Variants in CPEB2 observed in about 807,000 individuals in gnomAD.
The protein encoded by CPEB2 is cytoplasmic polyadenylation element-binding protein 2.
A neutral mutation model predicts 93.6 loss-of-function variants in CPEB2; 56 were observed. The ratio of observed to expected loss-of-function variants is 0.60; its 90% CI spans 0.48 to 0.75. The LOEUF (loss-of-function observed/expected upper bound fraction) is 0.75, where lower values mean the gene tolerates loss of function less well. Among genes scored for constraint, CPEB2 ranks in the 30% least tolerant of loss-of-function variants. The probability of loss-of-function intolerance (pLI) is 0.00; values close to 1 mark genes in which losing one functional copy is unlikely to be tolerated. For missense variants in CPEB2, 1,579 were observed against 1,395.1 expected (o/e 1.13, Z -2.10); for synonymous variants, 764 against 586.3 (o/e 1.30, Z -4.38).
chr4:15,057,977 A>G (rs772006870), intron 8 of CPEB2, among the ~76,000 whole-genome samples: 1 of 152,174 alleles, frequency 6.6e-6, no homozygotes, highest in African/African-American at 2.4e-5. Flanking sequence ...AGCTCCAGAT[A>G]TACTCACCTG....
intron 4 of CPEB2, chr4:15,017,853 T>C (rs1293190340): frequency 1.3e-5 from 2 of 151,840 alleles, no homozygotes; most frequent in Non-Finnish European, 2.9e-5. Flanking sequence ...GAAATTTCAT[T>C]AGCATACTTG....
chr4:15,023,144 T>A (rs562609148), intron 4 of CPEB2, among the ~76,000 whole-genome samples: 1 of 152,164 alleles, frequency 6.6e-6, no homozygotes, highest in Non-Finnish European at 1.5e-5. Context: ...ACTGCAATCC[T>A]GTTACTCACC....
chr4:15,058,062 G>T (rs779013047), intron 8 of CPEB2, among the ~76,000 whole-genome samples: 1 of 152,066 alleles, frequency 6.6e-6, no homozygotes, highest in African/African-American at 2.4e-5. Flanking sequence ...GGCTGACCTC[G>T]GTTTGAAATT....
intron 3 of CPEB2, 122 bp from the exon 4 acceptor site, chr4:15,017,066 T>C: frequency 1.6e-6 from 1 of 622,404 alleles, no homozygotes; most frequent in Non-Finnish European, 2.9e-6. Context: ...TTTTGTGGGA[T>C]ACAGATTAAT....
chr4:15,007,443 T>C lies in CPEB2; in HGVS notation c.1801T>C (p.Ser601Pro). ...AATCCCAGGAACTATGAATCAGATA[T>C]CTCCATTGAAGAAACCGTTTTCTGG... ...MGIPGTMNQI[S>P]PLKKPFSGNV... is the part of the protein sequence containing the mutation. Residue 601 changes from serine to proline, a missense_variant, in exon 2 of 12, where the codon TCT becomes CCT. Coordinates refer to ENST00000538197, the MANE Select transcript of CPEB2 (RefSeq NM_001177382.2). The C allele has an allele frequency of 6.2e-7, 1 of 1,614,090 alleles. No individual in the cohort carries two copies. Among genetic ancestry groups the C allele is most frequent in the Non-Finnish European group, 8.5e-7 (1 of 1,180,004 alleles).
intron 11 of CPEB2, among the ~76,000 whole-genome samples, chr4:15,062,520 A>C (rs966616443): frequency 2.6e-5 from 4 of 152,058 alleles, no homozygotes; most frequent in Admixed American, 6.6e-5. Context: ...AAATATTCTA[A>C]CCGTGGAGGC....
chr4:15,055,791 C>A (rs1215826504), intron 8 of CPEB2, among the ~76,000 whole-genome samples: 1 of 152,176 alleles, frequency 6.6e-6, no homozygotes, highest in African/African-American at 2.4e-5. Context: ...GTCCCACAAA[C>A]TGGCCTTGTT....
chr4:15,061,999 T>C, intron 10 of CPEB2, 80 bp from the exon 11 acceptor site: 1 of 1,302,410 alleles, frequency 7.7e-7, no homozygotes, highest in Non-Finnish European at 1.1e-6. Context: ...TATTGACTTT[T>C]ACGTTTTACA....
intron 6 of CPEB2, among the ~76,000 whole-genome samples, chr4:15,041,089 C>T (rs1410779393): frequency 6.6e-6 from 1 of 152,034 alleles, no homozygotes; most frequent in Admixed American, 6.6e-5. Flanking sequence ...AAAGTATTCC[C>T]CACAGAGTTC....
intron 6 of CPEB2, among the ~76,000 whole-genome samples, chr4:15,045,521 T>C: frequency 6.6e-6 from 1 of 152,156 alleles, no homozygotes; most frequent in South Asian, 2.1e-4. Context: ...GATTTGGGTT[T>C]CTTTCATAAC....
chr4:15,015,675 G>C (rs1302351390), intron 3 of CPEB2, among the ~76,000 whole-genome samples: 6 of 151,934 alleles, frequency 3.9e-5, no homozygotes, highest in Admixed American at 3.9e-4. Context: ...ACTGATGAAA[G>C]CTATAAACCT....
In CPEB2 at chr4:15,068,771, A is replaced by G. The variant is rs768650972; in HGVS notation, c.*2391A>G. The G allele has an allele frequency of 6.6e-6, 1 of 152,252 alleles. No homozygotes were observed. The highest frequency in any genetic ancestry group is 2.4e-5 in the African/African-American group (1 of 41,404). The allele number at this position is 152,252 out of a possible 1,614,324, so 9.4% of individuals were successfully genotyped here. On this transcript the variant is annotated 3_prime_UTR_variant, in exon 12 of 12. Coordinates refer to ENST00000538197, the MANE Select transcript of CPEB2 (RefSeq NM_001177382.2). ...TAAACAGAAATAAATATTTGGAATG[A>G]AGGGGAATGTACTAGAACACCCTTT...
chr4:15,026,998 CT>C (rs1288423632), intron 4 of CPEB2, among the ~76,000 whole-genome samples: 1 of 152,126 alleles, frequency 6.6e-6, no homozygotes, highest in African/African-American at 2.4e-5. Flanking sequence ...GTTTAAAACC[CT>C]TTTAACAGTG....
intron 8 of CPEB2, 99 bp from the exon 9 acceptor site, chr4:15,058,321 GT>G (rs563776694): frequency 3.3e-3 from 1,889 of 566,090 alleles, no homozygotes; most frequent in Non-Finnish European, 3.7e-3. Flanking sequence ...TTGATAGTTT[GT>G]TTTTTTTTTT....
intron 6 of CPEB2, among the ~76,000 whole-genome samples, chr4:15,044,286 G>A (rs756929696): frequency 8.5e-5 from 13 of 152,168 alleles, no homozygotes; most frequent in Non-Finnish European, 1.8e-4. Context: ...TAGCACAGTT[G>A]AGTAATTCCA....
rs1722275339 is a variant in CPEB2 at position 15,003,445 on chromosome 4, C to T, written c.772C>T (p.Leu258=). Residue 258 remains leucine (L), a synonymous_variant, in exon 1 of 12, where the codon CTG becomes TTG. Transcript: ENST00000538197. The part of the protein sequence containing the change: ...DFAPRQRPAD[L]PPLPQLPPSP... ...CGCCCCGCGGCAGCGTCCGGCAGAC[C>T]TGCCCCCGCTCCCGCAGCTCCCTCC... 2.2e-6 allele frequency: 3 copies of T among 1,361,300 alleles called. No homozygotes were observed. The highest frequency in any genetic ancestry group is 1.9e-6 in the Non-Finnish European group (2 of 1,067,048). 84.3% of individuals were successfully genotyped at this position (1,361,300 alleles called of 1,614,324 possible).
rs1229519497 is a variant in CPEB2, at chr4:15,068,902, A to T, written c.*2522A>T. 2 of 149,170 alleles carry T rather than the reference A, an allele frequency of 1.3e-5. No individual in the cohort carries two copies. The highest frequency in any genetic ancestry group is 4.2e-4 in the South Asian group (2 of 4,760). The allele number at this position is 149,170 out of a possible 1,614,324, so 9.2% of individuals were successfully genotyped here. The stretch of plus-strand genomic sequence containing the variant: ...TTTGTTCCTTTCCCACCTCACCCCT[A>T]CCTCTTTTGTTTTGTTTTGTTTTTG... On this transcript the variant is annotated 3_prime_UTR_variant, in exon 12 of 12. Transcript: ENST00000538197.
intron 5 of CPEB2, among the ~76,000 whole-genome samples, chr4:15,035,374 T>C (rs1726508078): frequency 6.6e-6 from 1 of 152,124 alleles, no homozygotes; most frequent in Non-Finnish European, 1.5e-5. Flanking sequence ...ATGTCTAAAA[T>C]AGAGATTAGC....
At position 15,011,101 on chromosome 4, in the gene CPEB2, CT is replaced by C. The variant is rs201436379; in HGVS notation, c.2034+2693del. Among the ~76,000 whole-genome samples the C allele has an allele frequency of 6.9e-3, 862 of 125,762 alleles. 3 individuals carry two copies. The highest frequency in any genetic ancestry group is 0.02 in the African/African-American group (667 of 34,034). The allele number at this position is 125,762 out of a possible 152,430, so 82.5% of individuals were successfully genotyped here. A position where few individuals can be genotyped will look rare whatever the true frequency, so the allele number is the denominator to read the frequency against. On this transcript the variant is annotated intron_variant, in intron 3 of 11. Coordinates refer to ENST00000538197, the MANE Select transcript of CPEB2 (RefSeq NM_001177382.2). ...ATACATATCTCTATGAATTTCTTTT[CT>C]TTTTTTTTTTTTTTTTTTGAGACAG...
Sources: allele counts gnomAD v4.1 joint callset (sites outside exome capture counted in the v4.1 genomes callset), GRCh38; gene constraint gnomAD v4.1.1; transcripts MANE v1.5; gene names NCBI Gene and HGNC (gene_info 2026-07-23, HGNC 2026-07-21).